NELL1: variants seen among roughly 807,000 people sequenced by gnomAD.
NELL1 encodes the protein neural EGFL like 1, also known as protein kinase C-binding protein NELL1.
A neutral mutation model predicts 107.4 loss-of-function variants in NELL1; 76 were observed. The observed-to-expected ratio is 0.71, with a 90% CI of 0.59 to 0.86. The LOEUF (loss-of-function observed/expected upper bound fraction) is 0.86, where lower values mean the gene tolerates loss of function less well. Among genes scored for constraint, NELL1 ranks in the 40% least tolerant of loss-of-function variants. NELL1 has a pLI of 0.00. For missense variants in NELL1, 1,024 were observed against 1,005.5 expected (o/e 1.02, Z -0.25); for synonymous variants, 353 against 341.2 (o/e 1.03, Z -0.38).
chr11:20,936,896 G>A (rs746541657), intron 9 of NELL1, among the ~76,000 whole-genome samples: 2 of 152,160 alleles, frequency 1.3e-5, no homozygotes, highest in African/African-American at 2.4e-5. Context: ...GACCAACACC[G>A]AATTAGTGGG....
chr11:20,819,749 T>C (rs2134023086), intron 3 of NELL1, among the ~76,000 whole-genome samples: 1 of 152,336 alleles, frequency 6.6e-6, no homozygotes, highest in East Asian at 1.9e-4. Flanking sequence ...ACCTTAAAAC[T>C]TGAAGAAAGC....
At chr11:21,125,692 T>C (rs886068775) in intron 13 of NELL1, among the ~76,000 whole-genome samples, 13 of 152,238 alleles carry the variant, frequency 8.5e-5, no homozygotes, top group Non-Finnish European at 1.8e-4. Context: ...AAATGTTTTC[T>C]ATCCTTCCAC....
At chr11:20,693,778 C>G (rs1033812622) in intron 2 of NELL1, among the ~76,000 whole-genome samples, 1 of 151,948 alleles carries the variant, frequency 6.6e-6, no homozygotes, top group African/African-American at 2.4e-5. Context: ...AGTTGCTCTT[C>G]TCGAGGAGTA....
chr11:20,832,777 T>C (rs1858040162), intron 3 of NELL1, among the ~76,000 whole-genome samples: 1 of 152,170 alleles, frequency 6.6e-6, no homozygotes, highest in South Asian at 2.1e-4. Flanking sequence ...TGATAAGTAC[T>C]TTACCATAAA....
chr11:20,846,795 C>T (rs2134056340), intron 3 of NELL1, among the ~76,000 whole-genome samples: 1 of 152,284 alleles, frequency 6.6e-6, no homozygotes, highest in South Asian at 2.1e-4. Flanking sequence ...GACAATGACA[C>T]ATTTCAGAAG....
chr11:21,041,256 G>C (rs757329594), intron 12 of NELL1, among the ~76,000 whole-genome samples: 1 of 152,028 alleles, frequency 6.6e-6, no homozygotes, highest in Non-Finnish European at 1.5e-5. Context: ...AATCTTCCAC[G>C]TCAATAAGGT....
intron 12 of NELL1, among the ~76,000 whole-genome samples, chr11:21,110,669 C>A (rs1855085286): frequency 6.6e-6 from 1 of 152,112 alleles, no homozygotes. Flanking sequence ...GATTGAATTG[C>A]CTCTAAGGCA....
intron 12 of NELL1, among the ~76,000 whole-genome samples, chr11:21,098,784 C>T (rs1182514321): frequency 6.6e-6 from 1 of 151,958 alleles, no homozygotes. Context: ...ATAAATACCC[C>T]CCAATTCCTT....
intron 2 of NELL1, among the ~76,000 whole-genome samples, chr11:20,722,585 A>G (rs1262834784): frequency 6.6e-6 from 1 of 152,220 alleles, no homozygotes; most frequent in African/African-American, 2.4e-5. Context: ...TAGTTAGCTG[A>G]GGTGATACAT....
At chr11:21,532,168 C>T (rs972389114) in intron 15 of NELL1, among the ~76,000 whole-genome samples, 1 of 152,124 alleles carries the variant, frequency 6.6e-6, no homozygotes, top group African/African-American at 2.4e-5. Flanking sequence ...TGGGCTTCTC[C>T]ACTACTTTCT....
At chr11:21,438,377 A>C (rs1320138239) in intron 15 of NELL1, among the ~76,000 whole-genome samples, 2 of 151,992 alleles carry the variant, frequency 1.3e-5, no homozygotes, top group Non-Finnish European at 2.9e-5. Context: ...ATGTGACTTG[A>C]TGGCCTTCGT....
At chr11:21,555,840 T>G (rs1202047296) in intron 16 of NELL1, among the ~76,000 whole-genome samples, 1 of 151,932 alleles carries the variant, frequency 6.6e-6, no homozygotes, top group Non-Finnish European at 1.5e-5. Flanking sequence ...GGATCTCTTC[T>G]GATGTGTTCT....
At chr11:21,153,403 A>G (rs1291825500) in intron 13 of NELL1, among the ~76,000 whole-genome samples, 1 of 152,090 alleles carries the variant, frequency 6.6e-6, no homozygotes, top group Non-Finnish European at 1.5e-5. Flanking sequence ...GGGGGCGTGT[A>G]GAACAGAGTT....
Position 21,269,017 on chromosome 11 carries a change from C to T in NELL1, c.1549+39563C>T, listed in dbSNP as rs111822945. On this transcript the variant is annotated intron_variant, in intron 14 of 19. Coordinates refer to ENST00000357134, the MANE Select transcript of NELL1 (RefSeq NM_006157.5). ...AATCTGTAGCAGACATGAAAAATGC[C>T]TTTTTTGTGCTAATTAGTAAACTTT... Among the ~76,000 whole-genome samples the T allele has an allele frequency of 1.0e-3, 155 of 151,922 alleles. 1 individual carries two copies. The highest frequency in any genetic ancestry group is 3.5e-3 in the African/African-American group (147 of 41,460).
intron 2 of NELL1, among the ~76,000 whole-genome samples, chr11:20,729,941 C>T (rs781409422): frequency 4.6e-5 from 7 of 152,180 alleles, no homozygotes; most frequent in Non-Finnish European, 1.0e-4. Flanking sequence ...AAAGGGAAAG[C>T]AGCTGTTCCA....
At chr11:20,738,693 A>G (rs1273337439) in intron 2 of NELL1, among the ~76,000 whole-genome samples, 1 of 152,134 alleles carries the variant, frequency 6.6e-6, no homozygotes, top group Non-Finnish European at 1.5e-5. Flanking sequence ...CCCACATGTA[A>G]AGTGTAGGAG....
chr11:21,364,328 A>C (rs1184874801), intron 14 of NELL1, among the ~76,000 whole-genome samples: 1 of 144,352 alleles, frequency 6.9e-6, no homozygotes, highest in Non-Finnish European at 1.5e-5. Flanking sequence ...GTAGAATGGC[A>C]TGAACCCATG....
chr11:21,246,060 ATATAG>A (rs1301585516), intron 14 of NELL1, among the ~76,000 whole-genome samples: 6 of 152,152 alleles, frequency 3.9e-5, no homozygotes, highest in African/African-American at 1.2e-4. Context: ...AATAATACAG[ATATAG>A]TAAAGTATGA....
chr11:20,711,335 G>GTCATTCTGTA (rs1460276147), intron 2 of NELL1, among the ~76,000 whole-genome samples: 1 of 152,034 alleles, frequency 6.6e-6, no homozygotes, highest in Non-Finnish European at 1.5e-5. Flanking sequence ...TATTCATTCT[G>GTCATTCTGTA]TCATTCTGTA....
Sources: allele counts gnomAD v4.1 joint callset (sites outside exome capture counted in the v4.1 genomes callset), GRCh38; gene constraint gnomAD v4.1.1; transcripts MANE v1.5; gene names NCBI Gene and HGNC (gene_info 2026-07-23, HGNC 2026-07-21).